Variants in TTLL1 observed in about 807,000 individuals in gnomAD.
TTLL1 encodes TTL family tubulin polyglutamylase complex subunit L1, also known as polyglutamylase complex subunit TTLL1.
TTLL1 carries 33 observed loss-of-function variants against 47.8 expected under a neutral mutation model. The ratio of observed to expected loss-of-function variants is 0.69; its 90% CI spans 0.52 to 0.92. The LOEUF is 0.92. Ranked by LOEUF, TTLL1 falls within the 40% of genes least tolerant of loss-of-function variation. TTLL1 has a pLI of 0.00. For missense variants in TTLL1, 488 were observed against 547.5 expected (o/e 0.89, Z 1.08); for synonymous variants, 225 against 214.1 (o/e 1.05, Z -0.45).
chr22:43,059,685 C>T (rs1927275688), intron 7 of TTLL1, among the ~76,000 whole-genome samples, 158 bp from the exon 8 acceptor site: 1 of 152,038 alleles, frequency 6.6e-6, no homozygotes, highest in African/African-American at 2.4e-5. Context: ...GAGATCTGGG[C>T]CGGCTATTTT....
Position 43,040,031 on chromosome 22 carries a change from C to A in TTLL1, c.1143-126G>T, listed in dbSNP as rs1257897086. 6.8e-6 allele frequency: 9 copies of A among 1,327,922 alleles called. No individual in the cohort carries two copies. The Admixed American group carries it at 1.4e-4, about 20-fold the overall frequency. 82.3% of individuals were successfully genotyped at this position (1,327,922 alleles called of 1,614,324 possible). A position where few individuals can be genotyped will look rare whatever the true frequency, so the allele number is the denominator to read the frequency against. On this transcript the variant is annotated intron_variant, in intron 10 of 10. Coordinates refer to ENST00000266254, the MANE Select transcript of TTLL1 (RefSeq NM_012263.5). ...GCGGCCTGAGGGGGCCCCACCCTCG[C>A]GACTCCTGCTGGCTCCCGCCCACCT...
chr22:43,052,979 G>C (rs1926745836), intron 8 of TTLL1, among the ~76,000 whole-genome samples: 1 of 151,986 alleles, frequency 6.6e-6, no homozygotes, highest in Non-Finnish European at 1.5e-5. Context: ...AGAATCCCTT[G>C]AACCTGGGAG....
chr22:43,058,214 G>A (rs1036316942), intron 8 of TTLL1, among the ~76,000 whole-genome samples: 1 of 152,096 alleles, frequency 6.6e-6, no homozygotes, highest in African/African-American at 2.4e-5. Context: ...AAAGTGCTGG[G>A]ATTACAGGTG....
chr22:43,051,670 C>T (rs963470550), intron 9 of TTLL1, 131 bp downstream of exon 9: 20 of 862,274 alleles, frequency 2.3e-5, no homozygotes, highest in Admixed American at 1.2e-4. Flanking sequence ...CAATCAAACT[C>T]GAACATCAGT....
In TTLL1 at chr22:43,078,510, G is replaced by GA. The variant is rs777794604; in HGVS notation, c.-5+1391dup. Reference sequence around the variant, plus strand: ...GACTCTGTCAGAAAAGAAAAGGAAGGAAAAACAAAAGAGAAGAGAAGAGAA... The same window carrying GA: ...GACTCTGTCAGAAAAGAAAAGGAAGGAAAAAACAAAAGAGAAGAGAAGAGAA... On this transcript the variant is annotated intron_variant, in intron 2 of 10. Coordinates refer to ENST00000266254, the MANE Select transcript of TTLL1 (RefSeq NM_012263.5). Among the ~76,000 whole-genome samples the GA allele has an allele frequency of 3.3e-3, 494 of 151,156 alleles. 5 individuals carry two copies. The highest frequency in any genetic ancestry group is 0.011 in the African/African-American group (471 of 41,386).
intron 9 of TTLL1, among the ~76,000 whole-genome samples, chr22:43,047,442 GGA>G (rs1926230450): frequency 1.3e-5 from 2 of 152,234 alleles, no homozygotes; most frequent in Admixed American, 1.3e-4. Context: ...TTTGTTCTGT[GGA>G]GAGTCCCACA....
At chr22:43,079,802 T>G (rs1928762136) in intron 2 of TTLL1, 100 bp downstream of exon 2, 1 of 152,218 alleles carries the variant, frequency 6.6e-6, no homozygotes, top group African/African-American at 2.4e-5. Context: ...CTGGGGCAGG[T>G]GCTTTAGCCA....
At chr22:43,088,039 A>G (rs1221243924) in intron 1 of TTLL1, among the ~76,000 whole-genome samples, 4 of 146,242 alleles carry the variant, frequency 2.7e-5, no homozygotes, top group African/African-American at 7.6e-5. Flanking sequence ...TCACAGCTAC[A>G]TGGGAGGCTG....
At chr22:43,085,007 G>C (rs1170277411) in intron 1 of TTLL1, among the ~76,000 whole-genome samples, 1 of 130,852 alleles carries the variant, frequency 7.6e-6, no homozygotes, top group African/African-American at 3.1e-5. Context: ...TTGCTCTGTC[G>C]CCCAGGCTGG....
chr22:43,046,688 A>G, intron 9 of TTLL1, 115 bp from the exon 10 acceptor site: 2 of 1,256,974 alleles, frequency 1.6e-6, no homozygotes, highest in Non-Finnish European at 2.2e-6. Flanking sequence ...TTTTTTTTTG[A>G]GACAGAGTTT....
At chr22:43,064,154 C>A in intron 6 of TTLL1, 36 bp downstream of exon 6, 1 of 1,594,826 alleles carries the variant, frequency 6.3e-7, no homozygotes, top group African/African-American at 1.4e-5. Context: ...GGTGAAAACA[C>A]AATCAAGAGG....
At chr22:43,043,812 C>T (rs1925889854) in intron 10 of TTLL1, among the ~76,000 whole-genome samples, 1 of 152,012 alleles carries the variant, frequency 6.6e-6, no homozygotes. Context: ...AGTTACCTTC[C>T]TCCTTGTGCA....
At chr22:43,078,477 C>A (rs2146989964) in intron 2 of TTLL1, among the ~76,000 whole-genome samples, 1 of 151,622 alleles carries the variant, frequency 6.6e-6, no homozygotes, top group South Asian at 2.1e-4. Flanking sequence ...GCCTGGGCGA[C>A]ACAGCAAGAC....
intron 3 of TTLL1, among the ~76,000 whole-genome samples, chr22:43,072,154 C>CTTTTTTTTTTTT (rs60673775): frequency 7.2e-6 from 1 of 138,882 alleles, no homozygotes; most frequent in Non-Finnish European, 1.6e-5. Context: ...TTTTCTTTTT[C>CTTTTTTTTTTTT]TTTTTTTTTT....
At chr22:43,065,852 T>G (rs1927697370) in intron 5 of TTLL1, among the ~76,000 whole-genome samples, 1 of 152,082 alleles carries the variant, frequency 6.6e-6, no homozygotes, top group Non-Finnish European at 1.5e-5. Flanking sequence ...TCTTCTTCAA[T>G]TGTGCAGTAA....
chr22:43,048,576 T>C (rs1375369833), intron 9 of TTLL1, among the ~76,000 whole-genome samples: 1 of 150,964 alleles, frequency 6.6e-6, no homozygotes, highest in Non-Finnish European at 1.5e-5. Flanking sequence ...GGAGTTCAAG[T>C]TGCGGCGAGC....
At chr22:43,078,422 A>C (rs1032700573) in intron 2 of TTLL1, among the ~76,000 whole-genome samples, 1 of 152,044 alleles carries the variant, frequency 6.6e-6, no homozygotes, top group Admixed American at 6.6e-5. Flanking sequence ...CTTGAACCCG[A>C]GAGGCGGAGG....
rs913832707 is a variant in TTLL1, at chr22:43,074,069, C to T, written c.113+1405G>A. Among the ~76,000 whole-genome samples the T allele has an allele frequency of 7.2e-5, 11 of 152,004 alleles. No homozygotes were observed. In the East Asian group the frequency reaches 9.8e-4, roughly 14 times the overall value. ...CAACTCCTGGCCTCAAGTGATCCAC[C>T]GGCCTTGGCCTCCCACAGTGCTGGG... On this transcript the variant is annotated intron_variant, in intron 3 of 10. Transcript: ENST00000266254.
chr22:43,069,012 C>G (rs78314248), intron 4 of TTLL1, among the ~76,000 whole-genome samples: 2,874 of 152,068 alleles, frequency 0.019, 45 homozygotes, highest in Non-Finnish European at 0.03. Flanking sequence ...CAGTCATGAG[C>G]CCTCGTGGCA....
Sources: allele counts gnomAD v4.1 joint callset (sites outside exome capture counted in the v4.1 genomes callset), GRCh38; gene constraint gnomAD v4.1.1; transcripts MANE v1.5; gene names NCBI Gene and HGNC (gene_info 2026-07-23, HGNC 2026-07-21).